ZNF804B: variants seen among roughly 807,000 people sequenced by gnomAD.
ZNF804B encodes zinc finger protein 804B.
Under a neutral mutation model 101.4 loss-of-function variants are expected in ZNF804B, and 80 were observed. The observed-to-expected ratio is 0.79, with a 90% CI of 0.66 to 0.95. The LOEUF (loss-of-function observed/expected upper bound fraction) is 0.95. ZNF804B is among the 40% of genes least tolerant of loss of function. ZNF804B has a pLI of 0.00. For missense variants in ZNF804B, 1,673 were observed against 1,561.9 expected (o/e 1.07, Z -1.20); for synonymous variants, 622 against 558.8 (o/e 1.11, Z -1.59).
intron 2 of ZNF804B, among the ~76,000 whole-genome samples, chr7:89,320,846 A>G (rs1292909217): frequency 1.3e-5 from 2 of 152,148 alleles, no homozygotes; most frequent in Non-Finnish European, 2.9e-5. Flanking sequence ...GCATGCAACT[A>G]AATGATGTTT....
At position 89,117,232 on chromosome 7, in the gene ZNF804B, A is replaced by G. The variant is rs955367534; in HGVS notation, c.109-100923A>G. Among the ~76,000 whole-genome samples, 25 of 152,320 alleles carry G rather than the reference A, an allele frequency of 1.6e-4. 1 individual carries two copies. The highest frequency in any genetic ancestry group is 1.3e-3 in the Admixed American group (20 of 15,294). On this transcript the variant is annotated intron_variant, in intron 1 of 3. Transcript: ENST00000333190. ...TGTTTTAGACTTCTGGCCTCCAGAA[A>G]TATGACAGAATAAATTTTTGTTGTT...
At chr7:88,811,694 C>G (rs1309785792) in intron 1 of ZNF804B, among the ~76,000 whole-genome samples, 1 of 152,084 alleles carries the variant, frequency 6.6e-6, no homozygotes, top group East Asian at 1.9e-4. Context: ...GAATTGGAAG[C>G]CATTATCCTC....
chr7:88,849,897 C>G (rs913280401), intron 1 of ZNF804B, among the ~76,000 whole-genome samples: 2 of 151,578 alleles, frequency 1.3e-5, no homozygotes, highest in African/African-American at 2.4e-5. Context: ...TTAAGTTCTC[C>G]CTGTATTCAG....
chr7:88,969,790 C>T (rs2116108758), intron 1 of ZNF804B, among the ~76,000 whole-genome samples: 1 of 151,710 alleles, frequency 6.6e-6, no homozygotes, highest in South Asian at 2.1e-4. Flanking sequence ...TTTTATATCA[C>T]ACTGGTAGTC....
chr7:88,771,977 G>A (rs1005430929), intron 1 of ZNF804B, among the ~76,000 whole-genome samples: 5 of 152,016 alleles, frequency 3.3e-5, no homozygotes, highest in African/African-American at 1.2e-4. Flanking sequence ...TACTACAAAA[G>A]TTGTTATACT....
intron 1 of ZNF804B, among the ~76,000 whole-genome samples, chr7:89,143,931 A>C (rs773041070): frequency 6.6e-6 from 1 of 152,030 alleles, no homozygotes; most frequent in Non-Finnish European, 1.5e-5. Context: ...GCCTTAAATT[A>C]ATGCTGGTAT....
chr7:88,886,291 GTTGATGTCTAC>G (rs147933091), intron 1 of ZNF804B, among the ~76,000 whole-genome samples: 2,889 of 152,142 alleles, frequency 0.019, 47 homozygotes, highest in Non-Finnish European at 0.027. Context: ...GTGGGTAGGT[GTTGATGTCTAC>G]TTGACAGTGG....
chr7:88,887,592 C>A (rs550727439), intron 1 of ZNF804B, among the ~76,000 whole-genome samples: 1 of 152,154 alleles, frequency 6.6e-6, no homozygotes, highest in African/African-American at 2.4e-5. Context: ...AGGTGTGCAG[C>A]CTTATTTCTG....
chr7:89,312,019 C>A (rs1790655717), intron 2 of ZNF804B, among the ~76,000 whole-genome samples: 1 of 152,090 alleles, frequency 6.6e-6, no homozygotes, highest in Non-Finnish European at 1.5e-5. Context: ...GAAACTAGAG[C>A]TACCCATTTG....
At chr7:88,819,644 A>C (rs1405394346) in intron 1 of ZNF804B, among the ~76,000 whole-genome samples, 1 of 152,282 alleles carries the variant, frequency 6.6e-6, no homozygotes, top group Non-Finnish European at 1.5e-5. Flanking sequence ...TTTTATCATA[A>C]GTTTTAAAAA....
At chr7:89,062,685 G>T (rs537947361) in intron 1 of ZNF804B, among the ~76,000 whole-genome samples, 1 of 152,000 alleles carries the variant, frequency 6.6e-6, no homozygotes, top group Admixed American at 6.6e-5. Flanking sequence ...GACTGCTGAC[G>T]ACTAACACAT....
intron 2 of ZNF804B, among the ~76,000 whole-genome samples, chr7:89,283,910 T>C (rs1283487095): frequency 6.6e-6 from 1 of 152,082 alleles, no homozygotes; most frequent in Non-Finnish European, 1.5e-5. Flanking sequence ...AGACATACTA[T>C]GTAACTTAGA....
chr7:89,037,011 C>T (rs1788939708), intron 1 of ZNF804B, among the ~76,000 whole-genome samples: 1 of 152,108 alleles, frequency 6.6e-6, no homozygotes, highest in African/African-American at 2.4e-5. Flanking sequence ...GTATAGCTGA[C>T]ATTTTCCTGC....
intron 1 of ZNF804B, among the ~76,000 whole-genome samples, chr7:89,064,994 C>T (rs1171091676): frequency 1.3e-5 from 2 of 151,986 alleles, no homozygotes; most frequent in Admixed American, 1.3e-4. Context: ...TGCCTTGGTG[C>T]CAGACCACAA....
intron 1 of ZNF804B, among the ~76,000 whole-genome samples, chr7:89,189,625 A>T (rs1788425725): frequency 6.6e-6 from 1 of 152,194 alleles, no homozygotes; most frequent in Non-Finnish European, 1.5e-5. Flanking sequence ...CACAGTGTCC[A>T]GCATGTGGCA....
intron 1 of ZNF804B, among the ~76,000 whole-genome samples, chr7:88,763,650 C>T (rs931757404): frequency 2.0e-5 from 3 of 151,772 alleles, no homozygotes; most frequent in Non-Finnish European, 4.4e-5. Context: ...CTAAATTCTA[C>T]CACAATTTAT....
intron 1 of ZNF804B, among the ~76,000 whole-genome samples, chr7:89,178,964 C>T (rs1341996691): frequency 4.6e-5 from 7 of 151,996 alleles, no homozygotes; most frequent in African/African-American, 1.4e-4. Flanking sequence ...AATATTTTTT[C>T]CTTCAGCATT....
intron 1 of ZNF804B, among the ~76,000 whole-genome samples, chr7:88,845,281 ACGCGCGCG>A (rs746899354): frequency 7.8e-6 from 1 of 128,854 alleles, no homozygotes; most frequent in African/African-American, 3.5e-5. Context: ...ATGTGTGCGC[ACGCGCGCG>A]CGCACGCGCG....
chr7:89,043,114 A>G (rs1010944243), intron 1 of ZNF804B, among the ~76,000 whole-genome samples: 1 of 152,256 alleles, frequency 6.6e-6, no homozygotes, highest in Non-Finnish European at 1.5e-5. Flanking sequence ...TGCTGAAAGC[A>G]GAAACTTGAG....
Sources: allele counts gnomAD v4.1 joint callset (sites outside exome capture counted in the v4.1 genomes callset), GRCh38; gene constraint gnomAD v4.1.1; transcripts MANE v1.5; gene names NCBI Gene and HGNC (gene_info 2026-07-23, HGNC 2026-07-21).